The following SLA variants were observed in gnomAD, a reference collection of about 807,000 sequenced individuals.
The protein encoded by SLA is src-like-adapter.
SLA carries 16 observed loss-of-function variants against 30.3 expected under a neutral mutation model. The observed-to-expected ratio is 0.53, with a 90% CI of 0.36 to 0.80. The LOEUF is 0.80. Ranked by LOEUF, SLA falls within the 30% of genes least tolerant of loss-of-function variation. The pLI, the probability that SLA is intolerant of heterozygous loss-of-function variation, is 0.01. For synonymous variants in SLA, 143 were observed against 137.8 expected, an observed-to-expected ratio of 1.04 and a Z score of -0.26; for missense variants, 310 against 345.2, an observed-to-expected ratio of 0.90 and a Z score of 0.81.
chr8:133,059,211 C>T (rs1178970667), intron 3 of SLA: 1 of 448,152 alleles, frequency 2.2e-6, no homozygotes, highest in Non-Finnish European at 4.5e-6. Context: ...AAATGGGACA[C>T]CAGGCCCCAA....
At chr8:133,099,992 C>G (rs927674748) in intron 1 of SLA, among the ~76,000 whole-genome samples, 18 of 152,190 alleles carry the variant, frequency 1.2e-4, no homozygotes, top group African/African-American at 4.1e-4. Context: ...CTGCTCCAAG[C>G]CTTCTCTCCA....
chr8:133,062,582 A>G (rs1027080575), intron 2 of SLA, among the ~76,000 whole-genome samples: 5 of 152,248 alleles, frequency 3.3e-5, no homozygotes, highest in African/African-American at 9.6e-5. Context: ...GAGGCAAACC[A>G]GGCCTCCCTG....
At chr8:133,057,345 C>T (rs1841632229) in intron 3 of SLA, among the ~76,000 whole-genome samples, 1 of 152,164 alleles carries the variant, frequency 6.6e-6, no homozygotes. Flanking sequence ...ATGTCTGGTA[C>T]AGAAGTATGT....
At chr8:133,048,227 A>AT (rs1049058962) in intron 5 of SLA, among the ~76,000 whole-genome samples, 24 of 150,212 alleles carry the variant, frequency 1.6e-4, no homozygotes, top group Admixed American at 4.6e-4. Context: ...TATTTATGTA[A>AT]TTTTTTTTTT....
At chr8:133,079,873 T>A (rs1845481711) in intron 1 of SLA, among the ~76,000 whole-genome samples, 2 of 151,956 alleles carry the variant, frequency 1.3e-5, no homozygotes, top group African/African-American at 4.8e-5. Flanking sequence ...GATTCCCATA[T>A]CAAACCATAT....
rs1841963698 is a variant in SLA at position 133,059,021 on chromosome 8, C to T, written c.61+1079G>A. The T allele has an allele frequency of 1.1e-5, 5 of 459,514 alleles. No homozygotes were observed. In the Admixed American group the frequency reaches 1.2e-4, roughly 11 times the overall value. The allele number at this position is 459,514 out of a possible 1,614,324, so 28.5% of individuals were successfully genotyped here. A position where few individuals can be genotyped will look rare whatever the true frequency, so the allele number is the denominator to read the frequency against. ...CCATTTTGGAAGCAGTGAGAAGGCTCCTTTGTGAGGGAGCCACAGAAGTCA... is the reference window on the plus strand; with the variant it reads ...CCATTTTGGAAGCAGTGAGAAGGCTTCTTTGTGAGGGAGCCACAGAAGTCA... On this transcript the variant is annotated intron_variant, in intron 3 of 8. Transcript: ENST00000338087.
chr8:133,099,533 G>T (rs745710887), intron 1 of SLA, among the ~76,000 whole-genome samples: 6 of 152,232 alleles, frequency 3.9e-5, no homozygotes, highest in Non-Finnish European at 7.4e-5. Context: ...CTCTGAACTG[G>T]TTTAGCCAAT....
rs564630279 is a variant in SLA at position 133,074,944 on chromosome 8, G to T, written c.-132C>A. 5.5e-5 allele frequency: 54 copies of T among 985,526 alleles called. No homozygotes were observed. Among genetic ancestry groups the T allele is most frequent in the Middle Eastern group, 1.0e-3 (2 of 1,914 alleles). 61.0% of individuals were successfully genotyped at this position (985,526 alleles called of 1,614,324 possible). A position where few individuals can be genotyped will look rare whatever the true frequency, so the allele number is the denominator to read the frequency against. On this transcript the variant is annotated 5_prime_UTR_variant, in exon 2 of 9. Transcript: ENST00000338087. ...GCCTCTCCGTCTGTCAACTGCTGCT[G>T]CTCCAGAATAAACAGGCAGCCGGGC...
Position 133,037,637 on chromosome 8 carries a change from T to A in SLA, c.*887A>T, listed in dbSNP as rs952119325. ...TCTGTTGGGGGTTAGGACTTACGCA[T>A]CTTTTTTTTTTTTTTGGCTTGCCTG... On this transcript the variant is annotated 3_prime_UTR_variant, in exon 9 of 9. Coordinates refer to ENST00000338087, the MANE Select transcript of SLA (RefSeq NM_001045556.3). 2.3e-4 allele frequency: 34 copies of A among 146,878 alleles called. No individual in the cohort carries two copies. The highest frequency in any genetic ancestry group is 4.5e-5 in the Non-Finnish European group (3 of 66,642). The allele number at this position is 146,878 out of a possible 1,614,324, so 9.1% of individuals were successfully genotyped here.
At chr8:133,074,170 A>G (rs920377040) in intron 2 of SLA, among the ~76,000 whole-genome samples, 1 of 152,166 alleles carries the variant, frequency 6.6e-6, no homozygotes, top group Non-Finnish European at 1.5e-5. Flanking sequence ...CAGAATTTAT[A>G]TACTTCACAT....
chr8:133,096,252 A>G (rs139123826), intron 1 of SLA: 2 of 1,614,250 alleles, frequency 1.2e-6, no homozygotes, highest in Non-Finnish European at 1.7e-6. Flanking sequence ...CCTGTGATCG[A>G]TGGCCACTTC....
At chr8:133,048,283 T>C (rs2739172) in intron 5 of SLA, among the ~76,000 whole-genome samples, 23,484 of 152,146 alleles carry the variant, frequency 0.15, 2,656 homozygotes, top group East Asian at 0.52. Flanking sequence ...AACAGTGGCG[T>C]GACCTTGGTT....
chr8:133,039,470 G>A (rs868746385), intron 8 of SLA, among the ~76,000 whole-genome samples: 10 of 152,082 alleles, frequency 6.6e-5, no homozygotes, highest in Admixed American at 2.0e-4. Context: ...GATTGATACT[G>A]AATTATTAAG....
At chr8:133,085,298 G>A (rs1463592928) in intron 1 of SLA, among the ~76,000 whole-genome samples, 2 of 152,134 alleles carry the variant, frequency 1.3e-5, no homozygotes, top group African/African-American at 4.8e-5. Context: ...CACTAGGCAA[G>A]CATTTCTTAG....
intron 1 of SLA, among the ~76,000 whole-genome samples, chr8:133,079,616 A>T (rs1281608673): frequency 6.6e-6 from 1 of 152,200 alleles, no homozygotes; most frequent in Admixed American, 6.5e-5. Context: ...TTGCAGCCCC[A>T]TGCTGGGTCA....
At chr8:133,042,678 C>CCTTTTTTTTTTTTTTTTTTTTT (rs1554706932) in intron 7 of SLA, among the ~76,000 whole-genome samples, 1 of 56,732 alleles carries the variant, frequency 1.8e-5, no homozygotes. Context: ...CATTCTGTGT[C>CCTTTTTTTTTTTTTTTTTTTTT]TTTTTTTTTT....
intron 1 of SLA, among the ~76,000 whole-genome samples, chr8:133,087,216 C>T (rs1846731097): frequency 6.6e-6 from 1 of 152,070 alleles, no homozygotes. Context: ...GTTTCGTTCA[C>T]TTGTTTTGTC....
intron 6 of SLA, among the ~76,000 whole-genome samples, chr8:133,046,260 T>C (rs1052617762): frequency 6.6e-6 from 1 of 152,202 alleles, no homozygotes; most frequent in African/African-American, 2.4e-5. Flanking sequence ...GGCTAAGCAA[T>C]TGCCATGAAA....
chr8:133,089,806 C>T (rs967180656), intron 1 of SLA, among the ~76,000 whole-genome samples: 2 of 152,182 alleles, frequency 1.3e-5, no homozygotes, highest in Non-Finnish European at 2.9e-5. Context: ...TCTGACCCCA[C>T]TGCCATCCCT....
Sources: gnomAD v4.1 joint callset for allele counts (sites outside exome capture counted in the v4.1 genomes callset) on GRCh38, gnomAD v4.1.1 for gene constraint, MANE v1.5 for transcripts, NCBI Gene and HGNC (gene_info 2026-07-23, HGNC 2026-07-21) for gene names.